The following TET2 variants were observed in gnomAD, a reference collection of about 807,000 sequenced individuals.
The protein encoded by TET2 is tet methylcytosine dioxygenase 2.
Under a neutral mutation model 142.9 loss-of-function variants are expected in TET2, and 299 were observed. That is an observed-to-expected ratio of 2.09 (90% CI 1.90 to 2.30). The LOEUF is 2.30. TET2 is among the 30% of genes most tolerant of loss of function. The pLI, the probability that TET2 is intolerant of heterozygous loss-of-function variation, is 0.00. For missense variants in TET2, 2,418 were observed against 2,378.0 expected (o/e 1.02, Z -0.35); for synonymous variants, 819 against 849.0 (o/e 0.96, Z 0.61).
intron 2 of TET2, among the ~76,000 whole-genome samples, chr4:105,198,789 C>T (rs1387032722): frequency 2.0e-5 from 3 of 152,186 alleles, no homozygotes; most frequent in Non-Finnish European, 4.4e-5. Flanking sequence ...TATTTGGGAA[C>T]TCACTGATCT....
chr4:105,242,698 T>A, intron 4 of TET2, 136 bp from the exon 5 acceptor site: 1 of 1,447,350 alleles, frequency 6.9e-7, no homozygotes, highest in Non-Finnish European at 9.1e-7. Context: ...GTAGACCTGT[T>A]TAAAAAATAA....
At chr4:105,169,202 C>G (rs1201402357) in intron 1 of TET2, among the ~76,000 whole-genome samples, 1 of 152,174 alleles carries the variant, frequency 6.6e-6, no homozygotes, top group African/African-American at 2.4e-5. Flanking sequence ...TTCCCACCAG[C>G]AGTGTAGAAG....
intron 6 of TET2, among the ~76,000 whole-genome samples, chr4:105,247,700 G>GT (rs1440487645): frequency 7.1e-6 from 1 of 141,678 alleles, no homozygotes; most frequent in Non-Finnish European, 1.5e-5. Context: ...AGTTTGACTG[G>GT]TTCTTTTTCT....
chr4:105,245,047 A>G (rs900355954), intron 6 of TET2, among the ~76,000 whole-genome samples: 1 of 152,178 alleles, frequency 6.6e-6, no homozygotes, highest in Non-Finnish European at 1.5e-5. Flanking sequence ...CAGCTAGCCA[A>G]ATTTGTCCTT....
At chr4:105,173,347 G>A (rs1224438814) in intron 1 of TET2, among the ~76,000 whole-genome samples, 9 of 142,248 alleles carry the variant, frequency 6.3e-5, no homozygotes, top group Middle Eastern at 3.6e-3. Context: ...GTGAAAACCC[G>A]TCTCTACTAA....
rs763598329 is a variant in TET2 at position 105,237,009 on chromosome 4, A to G, written c.3067A>G (p.Ser1023Gly). The change falls in exon 3 of 11, where the codon AGC (serine) becomes GGC (glycine). Residue 1023 changes from serine (S) to glycine (G), a missense_variant. Physicochemically the swap from Ser to Gly is moderately conservative, Grantham distance 56. Transcript: ENST00000380013. Reference sequence around the variant, plus strand: ...AAGCTGTGATAATGTGCAGCAAAAGAGCATCATTGAGACCATGGAGCAGCA... The same window carrying G: ...AAGCTGTGATAATGTGCAGCAAAAGGGCATCATTGAGACCATGGAGCAGCA... ...PASCDNVQQKSIIETMEQHLK... is the reference protein window; with the variant it reads ...PASCDNVQQKGIIETMEQHLK... 1 of 1,614,172 alleles carries G rather than the reference A, an allele frequency of 6.2e-7. No homozygotes were observed. Among genetic ancestry groups the G allele is most frequent in the South Asian group, 1.1e-5 (1 of 91,088 alleles).
chr4:105,162,040 T>A (rs1043589915), intron 1 of TET2, among the ~76,000 whole-genome samples: 1 of 152,176 alleles, frequency 6.6e-6, no homozygotes. Context: ...AATGAAAAAA[T>A]ACTGATATCT....
rs746853704 is a variant in TET2 at position 105,275,155 on chromosome 4, C to T, written c.4645C>T (p.Pro1549Ser). The T allele has an allele frequency of 2.6e-6, 4 of 1,552,088 alleles. No homozygotes were observed. In the Admixed American group the frequency reaches 5.9e-5, roughly 23 times the overall value. ...GCAGCAGAGACCCCAGCAGCAGCAG[C>T]CACATCACCCTCAGACAGAGTCTGT... is the stretch of plus-strand genomic sequence containing the variant. ...QQQQRPQQQQ[P>S]HHPQTESVNS... The change falls in exon 11 of 11, where the codon CCA (proline) becomes TCA (serine). Residue 1549 changes from proline to serine, a missense_variant. Pro to Ser is a moderately conservative substitution (Grantham distance 74, BLOSUM62 -1). Coordinates refer to ENST00000380013, the MANE Select transcript of TET2 (RefSeq NM_001127208.3).
intron 6 of TET2, among the ~76,000 whole-genome samples, chr4:105,252,596 T>G (rs1418469476): frequency 6.6e-6 from 1 of 152,204 alleles, no homozygotes; most frequent in Non-Finnish European, 1.5e-5. Context: ...TGTGTCTTAT[T>G]TTTTCATTCA....
At chr4:105,194,277 T>C (rs913822011) in intron 2 of TET2, among the ~76,000 whole-genome samples, 1 of 152,164 alleles carries the variant, frequency 6.6e-6, no homozygotes, top group African/African-American at 2.4e-5. Flanking sequence ...CAGATCTAAC[T>C]TGTTTAGAAG....
At chr4:105,196,151 C>T (rs1726075990) in intron 2 of TET2, among the ~76,000 whole-genome samples, 1 of 151,174 alleles carries the variant, frequency 6.6e-6, no homozygotes, top group Admixed American at 6.6e-5. Context: ...CTAATTGTTC[C>T]CTCTGCCTCT....
intron 6 of TET2, among the ~76,000 whole-genome samples, chr4:105,250,071 T>C (rs1729787741): frequency 6.6e-6 from 1 of 152,228 alleles, no homozygotes; most frequent in African/African-American, 2.4e-5. Flanking sequence ...TTGAGTTAAT[T>C]TGATGGTGAG....
chr4:105,268,835 T>C (rs994404421), intron 8 of TET2, among the ~76,000 whole-genome samples: 1 of 152,030 alleles, frequency 6.6e-6, no homozygotes, highest in Non-Finnish European at 1.5e-5. Context: ...TACTGGGGCA[T>C]GGTGGCGCGT....
chr4:105,154,532 T>C (rs776728360), intron 1 of TET2, among the ~76,000 whole-genome samples: 22 of 152,094 alleles, frequency 1.4e-4, no homozygotes, highest in Non-Finnish European at 2.6e-4. Flanking sequence ...CTCTTATAGA[T>C]GAGAAGGATA....
At position 105,275,814 on chromosome 4, in the gene TET2, A is replaced by C; in HGVS notation, c.5304A>C (p.Ala1768=). The part of the protein sequence containing the change: ...SPSHIIHNYS[A]APGMFNSSLH... ...CTCACATAATCCATAACTACAGTGCAGCTCCGGGCATGTTCAACAGCTCTC... is the reference window on the plus strand; with the variant it reads ...CTCACATAATCCATAACTACAGTGCCGCTCCGGGCATGTTCAACAGCTCTC... The change falls in exon 11 of 11, where the codon GCA becomes GCC. Residue 1768 remains alanine (A), a synonymous_variant. Coordinates refer to ENST00000380013, the MANE Select transcript of TET2 (RefSeq NM_001127208.3). 4 of 1,551,794 alleles carry C rather than the reference A, an allele frequency of 2.6e-6. No individual in the cohort carries two copies. Among genetic ancestry groups the C allele is most frequent in the Non-Finnish European group, 3.5e-6 (4 of 1,147,006 alleles).
chr4:105,228,371 A>G (rs889338771), intron 2 of TET2, among the ~76,000 whole-genome samples: 6 of 152,134 alleles, frequency 3.9e-5, no homozygotes, highest in African/African-American at 1.2e-4. Context: ...TGTCACAGAC[A>G]AAATAGTTCT....
chr4:105,191,988 C>T (rs1313194294), intron 2 of TET2, among the ~76,000 whole-genome samples: 1 of 151,970 alleles, frequency 6.6e-6, no homozygotes, highest in Non-Finnish European at 1.5e-5. Context: ...TTTACTTTTC[C>T]CCTCCTCCCT....
intron 1 of TET2, among the ~76,000 whole-genome samples, chr4:105,161,707 G>T (rs1410438818): frequency 2.0e-5 from 3 of 152,210 alleles, no homozygotes; most frequent in African/African-American, 7.2e-5. Context: ...GATTCAAATA[G>T]AACTTTCATT....
rs1488811748 is a variant in TET2, at chr4:105,272,918, G to T, written c.4537G>T (p.Glu1513Ter). The T allele has an allele frequency of 6.6e-7, 1 of 1,518,522 alleles. No individual in the cohort carries two copies. The highest frequency in any genetic ancestry group is 1.3e-5 in the South Asian group (1 of 78,982). The allele number at this position is 1,518,522 out of a possible 1,614,324, so 94.1% of individuals were successfully genotyped here. The stretch of plus-strand genomic sequence containing the variant: ...CGCAAGCCAGGCTAAACAGTTGGCA[G>T]GTAAATTTAATGTAAAGCATTTGTA... ...ENASQAKQLA[E>*]LLRLSGPVMQ... Residue 1513 changes from glutamate (E) to a stop codon, truncating the protein, a stop_gained and splice_region_variant, in exon 10 of 11, where the codon GAA becomes TAA. Coordinates refer to ENST00000380013, the MANE Select transcript of TET2 (RefSeq NM_001127208.3). LOFTEE classifies it low-confidence loss of function (END_TRUNC).
Sources: allele counts gnomAD v4.1 joint callset (sites outside exome capture counted in the v4.1 genomes callset), GRCh38; gene constraint gnomAD v4.1.1; transcripts MANE v1.5; gene names NCBI Gene and HGNC (gene_info 2026-07-23, HGNC 2026-07-21).